The following ATP2B2 variants were observed in gnomAD, a reference collection of about 807,000 sequenced individuals.
ATP2B2 encodes the protein ATPase plasma membrane Ca2+ transporting 2, also known as plasma membrane calcium-transporting ATPase 2.
In ATP2B2, 15 loss-of-function variants were observed where a neutral mutation model predicts 120.0. The observed-to-expected ratio is 0.12, with a 90% CI of 0.08 to 0.19. The LOEUF (loss-of-function observed/expected upper bound fraction) is 0.19, where lower values mean the gene tolerates loss of function less well. Ranked by LOEUF, ATP2B2 falls within the 10% of genes least tolerant of loss-of-function variation. The probability of loss-of-function intolerance (pLI) is 1.00; values close to 1 mark genes in which losing one functional copy is unlikely to be tolerated. For missense variants in ATP2B2, 1,045 were observed against 1,719.8 expected (o/e 0.61, Z 6.94); for synonymous variants, 694 against 700.3 (o/e 0.99, Z 0.14).
rs905020348 is a variant in ATP2B2, at chr3:10,346,851, C to T, written c.2405-714G>A. Among the ~76,000 whole-genome samples the T allele has an allele frequency of 1.3e-5, 2 of 152,100 alleles. No homozygotes were observed. The highest frequency in any genetic ancestry group is 1.3e-4 in the Admixed American group (2 of 15,276). ...AATTTGGGTATCAGCATCCATGGGTCTCTCATTCTGCACATTGAATGTATC... is the reference window on the plus strand; with the variant it reads ...AATTTGGGTATCAGCATCCATGGGTTTCTCATTCTGCACATTGAATGTATC... On this transcript the variant is annotated intron_variant, in intron 16 of 22. Coordinates refer to ENST00000360273, the MANE Select transcript of ATP2B2 (RefSeq NM_001001331.4). This position sits in a 1 kb window ranked among gnomAD's most constrained non-coding sequence, Gnocchi z 4.1.
chr3:10,604,920 C>CAAG, intron 2 of ATP2B2, among the ~76,000 whole-genome samples: 1 of 152,310 alleles, frequency 6.6e-6, no homozygotes, highest in South Asian at 2.1e-4. Context: ...CCAGTGCATT[C>CAAG]AACTGTTCTT....
chr3:10,430,328 C>T (rs1415395781), intron 2 of ATP2B2, among the ~76,000 whole-genome samples: 2 of 152,190 alleles, frequency 1.3e-5, no homozygotes, highest in East Asian at 3.9e-4. Context: ...AACTGAAAGC[C>T]TTCTGGAAAG....
chr3:10,402,269 G>A lies in ATP2B2; in HGVS notation c.477C>T (p.Leu159=), dbSNP rs779508010. Reference sequence around the variant, plus strand: ...TGACCAGGACCACACAGATAACTGAGAGGAGAATGGCGGCCCCCTCGATCC... The same window carrying A: ...TGACCAGGACCACACAGATAACTGAAAGGAGAATGGCGGCCCCCTCGATCC... The part of the protein sequence containing the change: ...AGWIEGAAIL[L]SVICVVLVTA... Residue 159 remains leucine, a synonymous_variant, in exon 4 of 23, where the codon CTC becomes CTT. Transcript: ENST00000360273. The surrounding 1 kb of genome is among the most constrained non-coding windows in gnomAD (Gnocchi z 4.9). 6.2e-7 allele frequency: 1 copy of A among 1,614,154 alleles called. No homozygotes were observed. Among genetic ancestry groups the A allele is most frequent in the Admixed American group, 1.7e-5 (1 of 60,024 alleles).
chr3:10,506,712 G>A (rs1331269986), upstream of ATP2B2, among the ~76,000 whole-genome samples: 1 of 152,120 alleles, frequency 6.6e-6, no homozygotes, highest in Non-Finnish European at 1.5e-5. Flanking sequence ...AGTGTCTCAG[G>A]GCACCTGTCA....
At chr3:10,410,958 G>T (rs1355641109) in intron 2 of ATP2B2, 143 bp from the exon 3 acceptor site, 3 of 1,028,964 alleles carry the variant, frequency 2.9e-6, no homozygotes, top group East Asian at 2.4e-5. Flanking sequence ...TCATGCTTTG[G>T]GCCCTAAGTT....
chr3:10,532,149 A>G (rs1156401230), intron 3 of ATP2B2, among the ~76,000 whole-genome samples: 2 of 152,128 alleles, frequency 1.3e-5, no homozygotes, highest in African/African-American at 4.8e-5. Context: ...TTGTAATTCA[A>G]ACTCCTCACA....
At chr3:10,650,357 G>A (rs2070425295) in intron 1 of ATP2B2, among the ~76,000 whole-genome samples, 1 of 152,176 alleles carries the variant, frequency 6.6e-6, no homozygotes, top group Non-Finnish European at 1.5e-5. Context: ...TTGAACTTGA[G>A]AGAGACGATT....
intron 1 of ATP2B2, among the ~76,000 whole-genome samples, chr3:10,687,448 A>G (rs1331185992): frequency 6.6e-6 from 1 of 152,198 alleles, no homozygotes. Context: ...TTTCAGGTCA[A>G]TATAGTTTTC....
intron 2 of ATP2B2, among the ~76,000 whole-genome samples, chr3:10,538,228 A>G (rs536779981): frequency 1.1e-3 from 172 of 152,308 alleles, no homozygotes; most frequent in African/African-American, 4.0e-3. Flanking sequence ...AATTTTTTAA[A>G]CACTTGGTAA....
At chr3:10,436,227 A>G (rs2063475770) in intron 2 of ATP2B2, among the ~76,000 whole-genome samples, 20 of 152,264 alleles carry the variant, frequency 1.3e-4, no homozygotes, top group African/African-American at 2.4e-5. Flanking sequence ...ACCTACAATT[A>G]TATAAATTAT....
intron 22 of ATP2B2, among the ~76,000 whole-genome samples, chr3:10,337,274 T>C (rs1473728640): frequency 6.6e-6 from 1 of 152,074 alleles, no homozygotes; most frequent in African/African-American, 2.4e-5. Context: ...GGAAATGAGG[T>C]GCTGGGCCAC....
At chr3:10,533,035 G>A (rs2067242588) in intron 3 of ATP2B2, among the ~76,000 whole-genome samples, 1 of 152,226 alleles carries the variant, frequency 6.6e-6, no homozygotes, top group African/African-American at 2.4e-5. Flanking sequence ...CGTAAGTTGT[G>A]TCTGATGCTG....
intron 4 of ATP2B2, among the ~76,000 whole-genome samples, chr3:10,401,490 G>A (rs1211287471): frequency 6.6e-6 from 1 of 152,196 alleles, no homozygotes; most frequent in Non-Finnish European, 1.5e-5. Flanking sequence ...ACATCGTCAA[G>A]GGGATGTGTG....
chr3:10,491,959 C>A (rs1362300467), intron 1 of ATP2B2, among the ~76,000 whole-genome samples: 3 of 152,088 alleles, frequency 2.0e-5, no homozygotes, highest in African/African-American at 7.2e-5. Context: ...AAAGTGCATC[C>A]CAGAATTGAC....
chr3:10,563,448 T>C (rs887277418), intron 2 of ATP2B2, among the ~76,000 whole-genome samples: 3 of 152,262 alleles, frequency 2.0e-5, no homozygotes, highest in Non-Finnish European at 4.4e-5. Context: ...CAGGATGTTA[T>C]GTGGCTTTCC....
At chr3:10,578,204 C>T (rs1433550497) in intron 2 of ATP2B2, among the ~76,000 whole-genome samples, 2 of 152,148 alleles carry the variant, frequency 1.3e-5, no homozygotes, top group African/African-American at 2.4e-5. Flanking sequence ...GGCTCTCATA[C>T]GTTGCTGGTG....
At chr3:10,535,595 G>A (rs886906118) in intron 2 of ATP2B2, among the ~76,000 whole-genome samples, 2 of 152,114 alleles carry the variant, frequency 1.3e-5, no homozygotes, top group Non-Finnish European at 2.9e-5. Context: ...TTCTTTCAAT[G>A]ATGTTATATA....
chr3:10,592,785 T>C lies in ATP2B2; in HGVS notation c.-415+27132A>G, dbSNP rs543519549. Among the ~76,000 whole-genome samples the C allele has an allele frequency of 3.2e-4, 49 of 152,286 alleles. No homozygotes were observed. In the South Asian group the frequency reaches 1.0e-2, roughly 31 times the overall value. On this transcript the variant is annotated intron_variant, in intron 2 of 21. Transcript: ENST00000646379. ...CTGTTTGCTTCCATTTACTGTCCCC[T>C]CTCCCAACTTTTTTTGGGACAGGAT...
intron 2 of ATP2B2, among the ~76,000 whole-genome samples, chr3:10,611,714 C>G (rs184164772): frequency 6.6e-6 from 1 of 152,156 alleles, no homozygotes; most frequent in African/African-American, 2.4e-5. Flanking sequence ...CTCGCCCTAC[C>G]GAACTTTGCC....
Sources: allele counts gnomAD v4.1 joint callset (sites outside exome capture counted in the v4.1 genomes callset), GRCh38; gene constraint gnomAD v4.1.1; non-coding constraint Gnocchi (gnomAD v3.1); transcripts MANE v1.5; gene names NCBI Gene and HGNC (gene_info 2026-07-23, HGNC 2026-07-21).